Variants in CADPS2 observed in about 807,000 individuals in gnomAD.
CADPS2 encodes the protein calcium dependent secretion activator 2, also known as calcium-dependent secretion activator 2.
CADPS2 carries 93 observed loss-of-function variants against 172.5 expected under a neutral mutation model. That is an observed-to-expected ratio of 0.54 (90% CI 0.46 to 0.64). The LOEUF (loss-of-function observed/expected upper bound fraction) is 0.64. Among genes scored for constraint, CADPS2 ranks in the 30% least tolerant of loss-of-function variants. The pLI is 0.00. For synonymous variants in CADPS2, 546 were observed against 555.2 expected, an observed-to-expected ratio of 0.98 and a Z score of 0.23; for missense variants, 1,420 against 1,565.9, an observed-to-expected ratio of 0.91 and a Z score of 1.57.
intron 3 of CADPS2, among the ~76,000 whole-genome samples, chr7:122,638,589 G>A (rs1486722515): frequency 1.3e-5 from 2 of 152,166 alleles, no homozygotes; most frequent in Non-Finnish European, 2.9e-5. Context: ...GGCCTGGGGG[G>A]GTCCCCACGG....
At chr7:122,582,897 T>C (rs2069044112) in intron 6 of CADPS2, among the ~76,000 whole-genome samples, 1 of 152,082 alleles carries the variant, frequency 6.6e-6, no homozygotes, top group Non-Finnish European at 1.5e-5. Context: ...ACACTGATTT[T>C]TTTCCTCTAA....
intron 24 of CADPS2, among the ~76,000 whole-genome samples, chr7:122,380,741 A>G (rs1436226656): frequency 6.6e-6 from 1 of 152,050 alleles, no homozygotes; most frequent in Non-Finnish European, 1.5e-5. Context: ...AACCACACTG[A>G]TGTGAATGTG....
intron 1 of CADPS2, among the ~76,000 whole-genome samples, chr7:122,804,131 T>C (rs963913543): frequency 2.8e-4 from 43 of 152,210 alleles, no homozygotes; most frequent in African/African-American, 1.0e-3. Flanking sequence ...CTCTAGTTTG[T>C]TCAGAAAAGT....
At chr7:122,848,062 A>C (rs962177256) in intron 1 of CADPS2, among the ~76,000 whole-genome samples, 2 of 152,214 alleles carry the variant, frequency 1.3e-5, no homozygotes, top group African/African-American at 4.8e-5. Context: ...CTCTTTGCCT[A>C]TGGCTAAGTT....
At chr7:122,468,045 C>G (rs183336897) in intron 14 of CADPS2, among the ~76,000 whole-genome samples, 1 of 152,096 alleles carries the variant, frequency 6.6e-6, no homozygotes, top group Non-Finnish European at 1.5e-5. Context: ...ACTCAGAGTG[C>G]TATTCAGAGA....
chr7:122,826,973 G>A (rs1805083768), intron 1 of CADPS2, among the ~76,000 whole-genome samples: 2 of 151,946 alleles, frequency 1.3e-5, no homozygotes, highest in South Asian at 2.1e-4. Context: ...AAACAACAAA[G>A]GAAAATCAAA....
At chr7:122,549,640 TA>T (rs1366920277) in intron 8 of CADPS2, among the ~76,000 whole-genome samples, 2 of 151,518 alleles carry the variant, frequency 1.3e-5, no homozygotes, top group African/African-American at 4.8e-5. Context: ...AGATTAGTAT[TA>T]ATTAATATTA....
rs537067081 is a variant in CADPS2, at chr7:122,646,430, C to T, written c.786+16807G>A. ...AAGCTCTTCATACATTTTTTCTCTC[C>T]CCCAGTATAACAAAAGTGAACAGAC... On this transcript the variant is annotated intron_variant, in intron 3 of 29. Coordinates refer to ENST00000449022, the MANE Select transcript of CADPS2 (RefSeq NM_017954.11). 1.1e-4 allele frequency among the ~76,000 whole-genome samples: 17 copies of T among 151,954 alleles called. No homozygotes were observed. In the South Asian group the frequency reaches 3.5e-3, roughly 32 times the overall value.
intron 3 of CADPS2, among the ~76,000 whole-genome samples, chr7:122,637,783 T>TG (rs1370063162): frequency 6.6e-6 from 1 of 152,226 alleles, no homozygotes; most frequent in Non-Finnish European, 1.5e-5. Context: ...TTTTCATGTG[T>TG]GAGGGCTGAT....
intron 22 of CADPS2, 92 bp from the exon 23 acceptor site, chr7:122,388,830 A>G: frequency 8.5e-7 from 1 of 1,170,602 alleles, no homozygotes; most frequent in Non-Finnish European, 1.1e-6. Flanking sequence ...ATCAATTGCC[A>G]TCAGTGAAAA....
chr7:122,464,010 A>C (rs2054810403), intron 14 of CADPS2, among the ~76,000 whole-genome samples: 1 of 152,156 alleles, frequency 6.6e-6, no homozygotes. Context: ...GGAAGCTATG[A>C]TTTTTCCAGC....
In CADPS2 at chr7:122,393,534, A is replaced by G; in HGVS notation, c.2795T>C (p.Val932Ala). The change falls in exon 21 of 30, where the codon GTA (valine) becomes GCA (alanine). Residue 932 changes from valine to alanine, a missense_variant. Val to Ala is a moderately conservative substitution (Grantham distance 64). Transcript: ENST00000449022. Reference protein sequence around the residue: ...KFHKHLQEIFVPLVVRYVDLM... With the variant: ...KFHKHLQEIFAPLVVRYVDLM... ...ATCCACATAGCGGACAACCAAGGGT[A>G]CAAAGATTTCTTGCAAGTGTTTGTG... The G allele has an allele frequency of 6.2e-7, 1 of 1,613,934 alleles. No homozygotes were observed. Among genetic ancestry groups the G allele is most frequent in the African/African-American group, 1.3e-5 (1 of 75,044 alleles).
chr7:122,424,294 G>A, intron 17 of CADPS2: 2 of 972,016 alleles, frequency 2.1e-6, no homozygotes, highest in Non-Finnish European at 2.4e-6. Context: ...TGGAATAATT[G>A]TTCTGTCATC....
At chr7:122,670,275 A>G (rs996404021) in intron 2 of CADPS2, among the ~76,000 whole-genome samples, 1 of 152,120 alleles carries the variant, frequency 6.6e-6, no homozygotes, top group Non-Finnish European at 1.5e-5. Flanking sequence ...CTGAGGTCCC[A>G]CTTCAAAAAT....
At chr7:122,808,022 C>T (rs1799169398) in intron 1 of CADPS2, among the ~76,000 whole-genome samples, 1 of 152,120 alleles carries the variant, frequency 6.6e-6, no homozygotes, top group African/African-American at 2.4e-5. Context: ...AGGCACAGTA[C>T]CCTTCCAACA....
rs1408605694 is a variant in CADPS2, at chr7:122,471,650, CA to C, written c.1999-89del. The C allele has an allele frequency of 7.0e-6, 7 of 1,006,702 alleles. No individual in the cohort carries two copies. In the African/African-American group the frequency reaches 1.2e-4, roughly 17 times the overall value. 62.4% of individuals were successfully genotyped at this position (1,006,702 alleles called of 1,614,324 possible). A position where few individuals can be genotyped will look rare whatever the true frequency, so the allele number is the denominator to read the frequency against. On this transcript the variant is annotated intron_variant, in intron 13 of 29. Coordinates refer to ENST00000449022, the MANE Select transcript of CADPS2 (RefSeq NM_017954.11). ...TGAACGCACTTTTAGGCCTTATAAG[CA>C]GAAGCTGCATGAAAGTATCTTGACA...
At chr7:122,727,139 T>C (rs2091187826) in intron 2 of CADPS2, among the ~76,000 whole-genome samples, 1 of 151,936 alleles carries the variant, frequency 6.6e-6, no homozygotes, top group Non-Finnish European at 1.5e-5. Flanking sequence ...GATAAACAAA[T>C]GTGCCCTTCA....
At chr7:122,491,167 A>G (rs2058247468) in intron 10 of CADPS2, 145 bp downstream of exon 10, 1 of 436,690 alleles carries the variant, frequency 2.3e-6, no homozygotes, top group Admixed American at 4.2e-5. Flanking sequence ...GATAATTTGA[A>G]TCTCATAAAG....
chr7:122,450,720 AGATGGGGTTTCACC>A (rs903375600), intron 15 of CADPS2, among the ~76,000 whole-genome samples: 18 of 151,564 alleles, frequency 1.2e-4, no homozygotes, highest in African/African-American at 4.4e-4. Context: ...TTTTTTATAG[AGATGGGGTTTCACC>A]ATTTTGCCCT....
Sources: gnomAD v4.1 joint callset for allele counts (sites outside exome capture counted in the v4.1 genomes callset) on GRCh38, gnomAD v4.1.1 for gene constraint, MANE v1.5 for transcripts, NCBI Gene and HGNC (gene_info 2026-07-23, HGNC 2026-07-21) for gene names.